Variants in DLGAP1 observed in about 807,000 individuals in gnomAD.
The protein encoded by DLGAP1 is DLG associated protein 1.
DLGAP1 carries 11 observed loss-of-function variants against 90.8 expected under a neutral mutation model. The ratio of observed to expected loss-of-function variants is 0.12; its 90% CI spans 0.08 to 0.20. DLGAP1 has a LOEUF of 0.20. Ranked by LOEUF, DLGAP1 falls within the 10% of genes least tolerant of loss-of-function variation. The pLI is 1.00. For synonymous variants in DLGAP1, 558 were observed against 540.7 expected (o/e 1.03, Z -0.44); for missense variants, 1,050 against 1,333.8 (o/e 0.79, Z 3.31).
intron 1 of DLGAP1, among the ~76,000 whole-genome samples, chr18:4,415,794 A>G (rs281017): frequency 0.46 from 69,511 of 151,936 alleles, 17,291 homozygotes; most frequent in East Asian, 0.61. Context: ...GTCATTGTGA[A>G]GAACAGAAAC....
intron 3 of DLGAP1, chr18:3,978,363 T>C (rs932671545): frequency 2.9e-6 from 1 of 340,076 alleles, no homozygotes; most frequent in South Asian, 2.7e-5. Context: ...TCTCATTTAA[T>C]TTTCGTGGGA....
chr18:4,229,441 A>G (rs998791344), intron 1 of DLGAP1, among the ~76,000 whole-genome samples: 1 of 152,176 alleles, frequency 6.6e-6, no homozygotes, highest in Non-Finnish European at 1.5e-5. Context: ...GCAGAGCTAT[A>G]GTAACCAAAA....
At chr18:3,869,562 A>G (rs2070615019) in intron 4 of DLGAP1, among the ~76,000 whole-genome samples, 2 of 152,224 alleles carry the variant, frequency 1.3e-5, no homozygotes, top group South Asian at 4.1e-4. Context: ...TCTTTCAAAA[A>G]AGAAAAGAAA....
intron 2 of DLGAP1, among the ~76,000 whole-genome samples, chr18:4,132,207 T>C (rs902621515): frequency 1.3e-5 from 2 of 152,190 alleles, no homozygotes; most frequent in Non-Finnish European, 1.5e-5. Context: ...CAATTCATTC[T>C]TTTCACTGAA....
chr18:3,895,994 A>G (rs1355119526), intron 3 of DLGAP1: 3 of 152,228 alleles, frequency 2.0e-5, no homozygotes, highest in Non-Finnish European at 2.9e-5. Flanking sequence ...GTGAGCAACA[A>G]CGCCACTCGG....
chr18:4,131,983 T>A (rs1678157746), intron 2 of DLGAP1, among the ~76,000 whole-genome samples: 1 of 152,178 alleles, frequency 6.6e-6, no homozygotes, highest in Non-Finnish European at 1.5e-5. Flanking sequence ...ATTACTAGTA[T>A]CTGGCAGAAT....
intron 8 of DLGAP1, chr18:3,580,101 G>A: frequency 1.1e-6 from 1 of 877,064 alleles, no homozygotes; most frequent in Admixed American, 1.9e-5. Context: ...CCTGCAGCTT[G>A]AGTCACACAT....
chr18:3,818,433 C>T (rs1326600529), intron 4 of DLGAP1, among the ~76,000 whole-genome samples: 1 of 142,940 alleles, frequency 7.0e-6, no homozygotes, highest in Non-Finnish European at 1.5e-5. Flanking sequence ...GATCTTAGCT[C>T]ACTGCAACCT....
intron 1 of DLGAP1, among the ~76,000 whole-genome samples, chr18:4,314,422 C>T (rs1000965188): frequency 2.0e-5 from 3 of 152,192 alleles, no homozygotes; most frequent in Non-Finnish European, 4.4e-5. Context: ...TATTCCTTGA[C>T]TCAAATATTA....
intron 7 of DLGAP1, among the ~76,000 whole-genome samples, chr18:3,635,452 T>G (rs945200102): frequency 1.3e-5 from 2 of 151,620 alleles, no homozygotes; most frequent in Middle Eastern, 3.4e-3. Context: ...CTGTCCCATT[T>G]TTTTGTCAGC....
intron 10 of DLGAP1, among the ~76,000 whole-genome samples, chr18:3,527,441 T>G (rs1200443742): frequency 9.5e-6 from 1 of 105,236 alleles, no homozygotes; most frequent in African/African-American, 3.3e-5. Context: ...TTGCCATGGA[T>G]GCACTGTATT....
At chr18:4,070,645 A>G (rs1475253120) in intron 2 of DLGAP1, among the ~76,000 whole-genome samples, 1 of 151,974 alleles carries the variant, frequency 6.6e-6, no homozygotes, top group Non-Finnish European at 1.5e-5. Flanking sequence ...ATGTATTAAT[A>G]TAAGATAAAA....
chr18:4,114,210 T>C (rs2076023374), intron 2 of DLGAP1, among the ~76,000 whole-genome samples: 1 of 152,018 alleles, frequency 6.6e-6, no homozygotes, highest in East Asian at 1.9e-4. Context: ...GTTTTAATGA[T>C]ATTGATACTT....
intron 2 of DLGAP1, among the ~76,000 whole-genome samples, chr18:4,038,314 C>A (rs966301521): frequency 1.3e-5 from 2 of 152,074 alleles, no homozygotes; most frequent in African/African-American, 4.8e-5. Context: ...CTTTAATAAC[C>A]CACATTCATA....
chr18:4,387,930 T>TACAC (rs1171436413), intron 1 of DLGAP1, among the ~76,000 whole-genome samples: 64 of 123,334 alleles, frequency 5.2e-4, no homozygotes, highest in African/African-American at 1.9e-3. Context: ...CCATCACACA[T>TACAC]ACACACACAC....
intron 1 of DLGAP1, among the ~76,000 whole-genome samples, chr18:4,425,429 C>T (rs1004360437): frequency 2.6e-5 from 4 of 152,114 alleles, no homozygotes; most frequent in Non-Finnish European, 4.4e-5. Flanking sequence ...CAGGGACTGG[C>T]GTAGTGGTAC....
chr18:3,903,016 G>T (rs898269442), intron 3 of DLGAP1, among the ~76,000 whole-genome samples: 7 of 152,186 alleles, frequency 4.6e-5, no homozygotes. Context: ...CACTTTGCCT[G>T]TGAGGAAACA....
intron 1 of DLGAP1, among the ~76,000 whole-genome samples, chr18:4,359,972 GAC>G (rs2081598231): frequency 6.6e-6 from 1 of 152,194 alleles, no homozygotes; most frequent in Non-Finnish European, 1.5e-5. Context: ...TATCAAATAT[GAC>G]TTCTAGGTTC....
intron 1 of DLGAP1, among the ~76,000 whole-genome samples, chr18:4,398,840 T>C (rs2082492555): frequency 6.6e-6 from 1 of 152,144 alleles, no homozygotes; most frequent in African/African-American, 2.4e-5. Context: ...TTTTTTGTTT[T>C]GCTTTTTTTT....
Sources: allele counts gnomAD v4.1 joint callset (sites outside exome capture counted in the v4.1 genomes callset), GRCh38; gene constraint gnomAD v4.1.1; transcripts MANE v1.5; gene names NCBI Gene and HGNC (gene_info 2026-07-23, HGNC 2026-07-21).